Variants in FLACC1 observed in about 807,000 individuals in gnomAD.
FLACC1 encodes the protein flagellum-associated coiled-coil domain-containing protein 1.
A neutral mutation model predicts 62.8 loss-of-function variants in FLACC1; 66 were observed. The observed-to-expected ratio is 1.05, with a 90% CI of 0.86 to 1.29. FLACC1 has a LOEUF of 1.29. FLACC1 is among the 50% of genes most tolerant of loss of function. The pLI is 0.00. For synonymous variants in FLACC1, 156 were observed against 161.0 expected, an observed-to-expected ratio of 0.97 and a Z score of 0.24; for missense variants, 452 against 489.1, an observed-to-expected ratio of 0.92 and a Z score of 0.71.
At chr2:201,299,837 C>G (rs977757015) in intron 11 of FLACC1, among the ~76,000 whole-genome samples, 12 of 152,188 alleles carry the variant, frequency 7.9e-5, no homozygotes, top group South Asian at 6.2e-4. Context: ...ACGGAGAGTC[C>G]TAACACCCCA....
At position 201,357,238 on chromosome 2, in the gene FLACC1, T is replaced by C. The variant is rs1232630476; in HGVS notation, c.-304A>G. On this transcript the variant is annotated 5_prime_UTR_variant, in exon 1 of 15. Transcript: ENST00000392257. ...AGGCTGGCCTGGCACAAACATGAATTTCCCTTCTAAAGACAAAACAGTTGA... is the reference window on the plus strand; with the variant it reads ...AGGCTGGCCTGGCACAAACATGAATCTCCCTTCTAAAGACAAAACAGTTGA... 6.6e-6 allele frequency: 1 copy of C among 152,248 alleles called. No homozygotes were observed. The highest frequency in any genetic ancestry group is 1.5e-5 in the Non-Finnish European group (1 of 68,048). 9.4% of individuals were successfully genotyped at this position (152,248 alleles called of 1,614,324 possible). A position where few individuals can be genotyped will look rare whatever the true frequency, so the allele number is the denominator to read the frequency against.
Position 201,326,559 on chromosome 2 carries a change from C to T in FLACC1, c.675+3911G>A, listed in dbSNP as rs1032383287. Among the ~76,000 whole-genome samples, 1 of 152,106 alleles carries T rather than the reference C, an allele frequency of 6.6e-6. No homozygotes were observed. Among genetic ancestry groups the T allele is most frequent in the Non-Finnish European group, 1.5e-5 (1 of 68,000 alleles). On this transcript the variant is annotated intron_variant, in intron 9 of 14. Coordinates refer to ENST00000392257, the MANE Select transcript of FLACC1 (RefSeq NM_001127391.3). This position sits in a 1 kb window ranked among gnomAD's most constrained non-coding sequence, Gnocchi z 4.1. ...CTGAGAATCAAAAAAAGAACTGATACCCTTTTACAACAGCTACAAAAAAAT... is the reference window on the plus strand; with the variant it reads ...CTGAGAATCAAAAAAAGAACTGATATCCTTTTACAACAGCTACAAAAAAAT...
chr2:201,292,549 C>T (rs1052177688), intron 12 of FLACC1, among the ~76,000 whole-genome samples: 63 of 152,254 alleles, frequency 4.1e-4, no homozygotes, highest in African/African-American at 1.3e-3. Context: ...AAGGAACAAC[C>T]GGTACCAGCC....
chr2:201,309,180 A>G lies in FLACC1; in HGVS notation c.746T>C (p.Phe249Ser), dbSNP rs201831117. ...QKAKWKKDEK[F>S]ERENILLQQK... Reference sequence around the variant, plus strand: ...CTGTAGCAGGATATTTTCTCGCTCGAACTTCTCATCCTTCTTCCATTTCGC... The same window carrying G: ...CTGTAGCAGGATATTTTCTCGCTCGGACTTCTCATCCTTCTTCCATTTCGC... Residue 249 changes from phenylalanine to serine, a missense_variant, in exon 10 of 15, where the codon TTC becomes TCC. Around this residue, in one of 3 missense-constraint regions of FLACC1, gnomAD observed 301 missense variants for 318.4 expected, o/e 0.95. Coordinates refer to ENST00000392257, the MANE Select transcript of FLACC1 (RefSeq NM_001127391.3). 1.1e-5 allele frequency: 18 copies of G among 1,614,016 alleles called. No individual in the cohort carries two copies. The highest frequency in any genetic ancestry group is 1.4e-5 in the Non-Finnish European group (16 of 1,179,906).
intron 9 of FLACC1, among the ~76,000 whole-genome samples, chr2:201,315,257 G>A (rs573144254): frequency 6.6e-6 from 1 of 152,230 alleles, no homozygotes; most frequent in East Asian, 1.9e-4. Flanking sequence ...AAAAGATACA[G>A]AATTGCTGAA....
At chr2:201,332,700 C>T (rs1950618440) in intron 7 of FLACC1, among the ~76,000 whole-genome samples, 1 of 152,036 alleles carries the variant, frequency 6.6e-6, no homozygotes, top group Non-Finnish European at 1.5e-5. Flanking sequence ...ACCCTTTGAC[C>T]ATCATCTCCC....
At chr2:201,336,716 A>G (rs201095583) in intron 7 of FLACC1, among the ~76,000 whole-genome samples, 1 of 152,196 alleles carries the variant, frequency 6.6e-6, no homozygotes, top group East Asian at 1.9e-4. Flanking sequence ...TTTTTGAGAA[A>G]TCTCTGTAGT....
intron 7 of FLACC1, among the ~76,000 whole-genome samples, chr2:201,338,228 C>T (rs1477566005): frequency 6.6e-6 from 1 of 152,176 alleles, no homozygotes; most frequent in African/African-American, 2.4e-5. Context: ...TACAGAAATG[C>T]AACTGATATT....
intron 1 of FLACC1, among the ~76,000 whole-genome samples, chr2:201,353,038 G>A: frequency 6.6e-6 from 1 of 152,200 alleles, no homozygotes; most frequent in East Asian, 1.9e-4. Flanking sequence ...TTTGGACTTT[G>A]ACTTTCAGAA....
the FLACC1 span, among the ~76,000 whole-genome samples, chr2:201,362,766 A>G: frequency 6.6e-6 from 1 of 152,214 alleles, no homozygotes; most frequent in South Asian, 2.1e-4. Context: ...TTTTTAATCC[A>G]GGCATTCTTT....
chr2:201,320,068 G>A (rs1204110694), intron 9 of FLACC1, among the ~76,000 whole-genome samples: 1 of 152,222 alleles, frequency 6.6e-6, no homozygotes, highest in Non-Finnish European at 1.5e-5. Flanking sequence ...ACTGACTTGG[G>A]GAGGGATGTG....
intron 12 of FLACC1, among the ~76,000 whole-genome samples, chr2:201,297,328 C>G (rs541680989): frequency 1.8e-4 from 27 of 152,068 alleles, no homozygotes; most frequent in African/African-American, 6.5e-4. Context: ...GATGAGCTCA[C>G]CAAAGGAGAA....
chr2:201,299,104 A>C, intron 12 of FLACC1, 134 bp downstream of exon 12: 1 of 819,786 alleles, frequency 1.2e-6, no homozygotes, highest in East Asian at 2.6e-5. Context: ...TGAATCCAGT[A>C]AACTCAGCTT....
intron 11 of FLACC1, among the ~76,000 whole-genome samples, chr2:201,303,468 C>T (rs1950032706): frequency 6.6e-6 from 1 of 152,146 alleles, no homozygotes; most frequent in Admixed American, 6.5e-5. Context: ...AGTCCAGCAC[C>T]AGACGGATTC....
chr2:201,321,482 A>G (rs1163302324), intron 9 of FLACC1, among the ~76,000 whole-genome samples: 1 of 152,106 alleles, frequency 6.6e-6, no homozygotes, highest in Non-Finnish European at 1.5e-5. Flanking sequence ...CCCAACAGAC[A>G]GACAACCCCC....
chr2:201,292,673 CA>C (rs1301141217), intron 12 of FLACC1, among the ~76,000 whole-genome samples: 2 of 152,156 alleles, frequency 1.3e-5, no homozygotes, highest in Non-Finnish European at 2.9e-5. Context: ...TCACACATAA[CA>C]ATATTAACCT....
chr2:201,307,398 G>A (rs1200522811), intron 11 of FLACC1, 121 bp downstream of exon 11: 2 of 734,606 alleles, frequency 2.7e-6, no homozygotes, highest in Non-Finnish European at 4.7e-6. Context: ...CAGAAAGCTG[G>A]GAGAGGAGGA....
intron 10 of FLACC1, among the ~76,000 whole-genome samples, chr2:201,308,092 G>A (rs1349486589): frequency 6.6e-6 from 1 of 152,184 alleles, no homozygotes; most frequent in Non-Finnish European, 1.5e-5. Flanking sequence ...GAGGAAGGAG[G>A]GGTGGAGGGA....
chr2:201,330,551 C>G, intron 8 of FLACC1, 29 bp from the exon 9 acceptor site: 2 of 1,607,680 alleles, frequency 1.2e-6, no homozygotes, highest in Non-Finnish European at 1.7e-6. Context: ...ACAGGATCAT[C>G]ATTAGTCTTC....
Sources: gnomAD v4.1 joint callset for allele counts (sites outside exome capture counted in the v4.1 genomes callset) on GRCh38, gnomAD v4.1.1 for gene constraint, gnomAD v4.1.1 regional missense constraint, Gnocchi (gnomAD v3.1) non-coding constraint, MANE v1.5 for transcripts, NCBI Gene and HGNC (gene_info 2026-07-23, HGNC 2026-07-21) for gene names.